KIF16B: variants seen among roughly 807,000 people sequenced by gnomAD.
KIF16B encodes the protein kinesin-like protein KIF16B.
In KIF16B, 98 loss-of-function variants were observed where a neutral mutation model predicts 156.3. That is an observed-to-expected ratio of 0.63 (90% CI 0.53 to 0.74). The LOEUF is 0.74. Among genes scored for constraint, KIF16B ranks in the 30% least tolerant of loss-of-function variants. The pLI is 0.00. For synonymous variants in KIF16B, 564 were observed against 583.7 expected (o/e 0.97, Z 0.49); for missense variants, 1,421 against 1,606.5 (o/e 0.88, Z 1.97).
intron 1 of KIF16B, among the ~76,000 whole-genome samples, chr20:16,539,712 A>G (rs1046229893): frequency 2.0e-5 from 3 of 152,202 alleles, no homozygotes; most frequent in African/African-American, 7.2e-5. Context: ...TTTTCTTATA[A>G]ATTACCCAGT....
intron 1 of KIF16B, among the ~76,000 whole-genome samples, chr20:16,560,439 G>GC (rs2071014372): frequency 6.6e-6 from 1 of 152,162 alleles, no homozygotes; most frequent in Admixed American, 6.5e-5. Flanking sequence ...GAGACCACAG[G>GC]CCCCTGGGGC....
intron 22 of KIF16B, among the ~76,000 whole-genome samples, chr20:16,357,916 A>G (rs6080240): frequency 0.68 from 103,316 of 152,114 alleles, 36,354 homozygotes; most frequent in East Asian, 0.97. Flanking sequence ...GAGGCTGGGC[A>G]CAGTGGCTCA....
intron 1 of KIF16B, among the ~76,000 whole-genome samples, chr20:16,543,107 C>T (rs537508136): frequency 1.3e-5 from 2 of 152,184 alleles, no homozygotes; most frequent in South Asian, 4.1e-4. Flanking sequence ...TTTTAACCAC[C>T]TAGGAGGTTC....
chr20:16,481,353 T>C (rs755356475), intron 12 of KIF16B, among the ~76,000 whole-genome samples: 8 of 151,956 alleles, frequency 5.3e-5, no homozygotes, highest in Admixed American at 2.0e-4. Context: ...ATGCCACCTG[T>C]CTGGTTAATT....
intron 14 of KIF16B, among the ~76,000 whole-genome samples, chr20:16,427,554 A>G (rs937786497): frequency 4.6e-5 from 7 of 152,122 alleles, no homozygotes; most frequent in African/African-American, 1.2e-4. Flanking sequence ...GTTTTAACTG[A>G]ATACCATGGA....
intron 1 of KIF16B, among the ~76,000 whole-genome samples, chr20:16,549,216 G>C (rs1276875749): frequency 8.6e-6 from 1 of 116,316 alleles, no homozygotes; most frequent in African/African-American, 3.4e-5. Flanking sequence ...ACAGTCCCCA[G>C]AGTGTGATAT....
chr20:16,507,752 C>A (rs867391507), intron 7 of KIF16B, among the ~76,000 whole-genome samples: 16 of 152,174 alleles, frequency 1.1e-4, no homozygotes, highest in Admixed American at 1.3e-4. Context: ...TAAGGGTACA[C>A]ATCAGGATAT....
intron 4 of KIF16B, among the ~76,000 whole-genome samples, chr20:16,514,071 G>A (rs955053248): frequency 1.3e-5 from 2 of 152,146 alleles, no homozygotes; most frequent in African/African-American, 4.8e-5. Context: ...ATGAAGAAAG[G>A]ATACCCAAGC....
chr20:16,509,276 G>A (rs1476605088), intron 6 of KIF16B, among the ~76,000 whole-genome samples: 1 of 152,198 alleles, frequency 6.6e-6, no homozygotes, highest in Non-Finnish European at 1.5e-5. Flanking sequence ...CCAATTATGA[G>A]TAATGCTGCT....
chr20:16,346,115 C>T (rs1407541739), intron 23 of KIF16B, among the ~76,000 whole-genome samples: 2 of 152,170 alleles, frequency 1.3e-5, no homozygotes, highest in Non-Finnish European at 2.9e-5. Flanking sequence ...GCAGGCTTCC[C>T]CCTCCAGTGC....
chr20:16,483,191 A>T (rs1286025749), intron 12 of KIF16B, among the ~76,000 whole-genome samples: 2 of 152,152 alleles, frequency 1.3e-5, no homozygotes, highest in South Asian at 2.1e-4. Context: ...CTGAGGAGTA[A>T]GTCAGTACAC....
intron 12 of KIF16B, among the ~76,000 whole-genome samples, chr20:16,473,056 A>C (rs1444079458): frequency 2.0e-5 from 3 of 152,254 alleles, no homozygotes; most frequent in Admixed American, 6.5e-5. Flanking sequence ...GGAAAAGACC[A>C]AATGGTAACC....
chr20:16,452,958 CAT>C (rs540249595), intron 12 of KIF16B, among the ~76,000 whole-genome samples: 378 of 152,136 alleles, frequency 2.5e-3, no homozygotes, highest in Non-Finnish European at 3.8e-3. Context: ...TGTAAATACA[CAT>C]GTGTGGCAAC....
chr20:16,400,536 G>T (rs1049184290), intron 17 of KIF16B, among the ~76,000 whole-genome samples: 1 of 152,134 alleles, frequency 6.6e-6, no homozygotes, highest in Non-Finnish European at 1.5e-5. Flanking sequence ...TGAAAACAAG[G>T]ACTCAAACAA....
At chr20:16,376,998 G>C (rs2064967373) in intron 19 of KIF16B, among the ~76,000 whole-genome samples, 1 of 152,202 alleles carries the variant, frequency 6.6e-6, no homozygotes, top group African/African-American at 2.4e-5. Flanking sequence ...AGACAGCGAT[G>C]GTAAATGTAA....
Position 16,508,052 on chromosome 20 carries a change from A to C in KIF16B, c.605T>G (p.Met202Arg), listed in dbSNP as rs902448281. The C allele has an allele frequency of 6.2e-7, 1 of 1,614,166 alleles. No homozygotes were observed. Residue 202 changes from methionine (M) to arginine (R), a missense_variant, in exon 7 of 26, where the codon ATG becomes AGG. By Grantham distance (91) the Met-to-Arg change is moderately conservative. Transcript: ENST00000354981. ...GGTCCGGTTGATATTGCCCGCATCC[A>C]TAAGTTCTTCTACGTCACCATAATT... The part of the protein sequence containing the change: ...VQNYGDVEEL[M>R]DAGNINRTTA...
intron 25 of KIF16B, among the ~76,000 whole-genome samples, chr20:16,280,389 A>G (rs539199761): frequency 1.3e-5 from 2 of 152,332 alleles, no homozygotes; most frequent in South Asian, 2.1e-4. Context: ...GGTGGTGTCC[A>G]AGTTCAGCTA....
rs1414958944 is a variant in KIF16B, at chr20:16,379,785, T to C, written c.2217A>G (p.Glu739=). 1 of 1,614,184 alleles carries C rather than the reference T, an allele frequency of 6.2e-7. No individual in the cohort carries two copies. The highest frequency in any genetic ancestry group is 1.3e-5 in the African/African-American group (1 of 75,030). The change falls in exon 19 of 26, where the codon GAA becomes GAG. Residue 739 remains glutamate, a synonymous_variant. Coordinates refer to ENST00000354981, the MANE Select transcript of KIF16B (RefSeq NM_024704.5). ...TTTCCAGTTCAAGCTTGGCATACTG[T>C]TCATCTTTTTCCTTTTGGAGCTGGT... is the stretch of plus-strand genomic sequence containing the variant. ...ELDQLQKEKD[E]QYAKLELEKK...
At chr20:16,287,904 C>T (rs1339721304) in intron 25 of KIF16B, among the ~76,000 whole-genome samples, 1 of 152,198 alleles carries the variant, frequency 6.6e-6, no homozygotes, top group Non-Finnish European at 1.5e-5. Flanking sequence ...AGGAAGGAGG[C>T]AAACAGCTTC....
Sources: gnomAD v4.1 joint callset for allele counts (sites outside exome capture counted in the v4.1 genomes callset) on GRCh38, gnomAD v4.1.1 for gene constraint, MANE v1.5 for transcripts, NCBI Gene and HGNC (gene_info 2026-07-23, HGNC 2026-07-21) for gene names.